NAV3: variants seen among roughly 807,000 people sequenced by gnomAD.
The protein encoded by NAV3 is neuron navigator 3.
In NAV3, 87 loss-of-function variants were observed where a neutral mutation model predicts 244.7. That is an observed-to-expected ratio of 0.36 (90% CI 0.30 to 0.42). The LOEUF (loss-of-function observed/expected upper bound fraction) is 0.42. Ranked by LOEUF, NAV3 falls within the 20% of genes least tolerant of loss-of-function variation. The pLI is 1.00. For missense variants in NAV3, 2,663 were observed against 2,893.3 expected (o/e 0.92, Z 1.83); for synonymous variants, 1,126 against 1,042.2 (o/e 1.08, Z -1.55).
chr12:77,660,915 G>A (rs1727860), intron 2 of NAV3, among the ~76,000 whole-genome samples: 28,630 of 152,004 alleles, frequency 0.19, 3,722 homozygotes, highest in African/African-American at 0.36. Flanking sequence ...TGTTGCATGA[G>A]CCGTAGTTCA....
intron 12 of NAV3, among the ~76,000 whole-genome samples, chr12:78,097,225 T>C (rs1485770024): frequency 6.6e-6 from 1 of 152,156 alleles, no homozygotes. Flanking sequence ...CCAGCACACT[T>C]CCCTTTTCAA....
chr12:77,787,882 A>C (rs1033565105), intron 2 of NAV3, among the ~76,000 whole-genome samples: 6 of 152,214 alleles, frequency 3.9e-5, no homozygotes, highest in African/African-American at 1.4e-4. Context: ...GACTTATGAC[A>C]ATTATTAGGT....
At chr12:77,745,282 T>C (rs923823384) in intron 2 of NAV3, among the ~76,000 whole-genome samples, 1 of 152,044 alleles carries the variant, frequency 6.6e-6, no homozygotes, top group African/African-American at 2.4e-5. Context: ...TCATCTTATA[T>C]AGCAGTTTGG....
intron 12 of NAV3, among the ~76,000 whole-genome samples, chr12:78,065,361 A>C (rs547133471): frequency 7.2e-5 from 11 of 152,284 alleles, no homozygotes; most frequent in African/African-American, 2.4e-4. Flanking sequence ...TAATGAATTA[A>C]ATTTTGTTTA....
chr12:77,936,065 G>A (rs1593047732), intron 1 of NAV3, among the ~76,000 whole-genome samples: 1 of 152,220 alleles, frequency 6.6e-6, no homozygotes, highest in East Asian at 1.9e-4. Context: ...TTACAGATGA[G>A]AATACTGGGG....
chr12:78,195,439 G>A (rs2139959399), intron 34 of NAV3, among the ~76,000 whole-genome samples: 1 of 151,632 alleles, frequency 6.6e-6, no homozygotes, highest in South Asian at 2.1e-4. Context: ...TGGATTAGAT[G>A]CCTCTCTTAT....
At chr12:77,890,651 T>G (rs1248469539) in intron 1 of NAV3, among the ~76,000 whole-genome samples, 2 of 152,194 alleles carry the variant, frequency 1.3e-5, no homozygotes, top group Non-Finnish European at 2.9e-5. Flanking sequence ...CGATTCTTCA[T>G]CGAGTAAATG....
chr12:78,089,190 T>C (rs1953794402), intron 12 of NAV3, among the ~76,000 whole-genome samples: 1 of 152,118 alleles, frequency 6.6e-6, no homozygotes, highest in Non-Finnish European at 1.5e-5. Flanking sequence ...AAAAAGTCAA[T>C]TTATGGAATT....
chr12:77,659,216 A>G (rs1232211497), intron 2 of NAV3, among the ~76,000 whole-genome samples: 1 of 151,648 alleles, frequency 6.6e-6, no homozygotes, highest in Non-Finnish European at 1.5e-5. Flanking sequence ...CTCGTCTGAC[A>G]AAGGGCTAAT....
chr12:77,756,097 G>C (rs1392377970), intron 2 of NAV3, among the ~76,000 whole-genome samples: 4 of 151,996 alleles, frequency 2.6e-5, no homozygotes, highest in Admixed American at 2.6e-4. Flanking sequence ...AAAAAATAAA[G>C]ATAATAAAAG....
chr12:77,572,341 A>C (rs371694203), intron 2 of NAV3: 4 of 153,658 alleles, frequency 2.6e-5, no homozygotes, highest in African/African-American at 9.6e-5. Context: ...AAATGAATGC[A>C]CCTTTTGAGA....
intron 5 of NAV3, among the ~76,000 whole-genome samples, chr12:77,978,473 A>G (rs1227203931): frequency 6.6e-6 from 1 of 152,114 alleles, no homozygotes; most frequent in Non-Finnish European, 1.5e-5. Flanking sequence ...CACTGATTAT[A>G]TATGTAATTA....
At chr12:77,920,681 T>C (rs1887627110) in intron 1 of NAV3, among the ~76,000 whole-genome samples, 1 of 152,088 alleles carries the variant, frequency 6.6e-6, no homozygotes, top group South Asian at 2.1e-4. Flanking sequence ...CTGGTTCATG[T>C]AGGCGAATAT....
At chr12:78,019,504 T>C (rs938605489) in intron 8 of NAV3, among the ~76,000 whole-genome samples, 5 of 152,110 alleles carry the variant, frequency 3.3e-5, no homozygotes, top group Non-Finnish European at 2.9e-5. Context: ...TCTGAAAACA[T>C]AGGTCCAGGG....
intron 2 of NAV3, among the ~76,000 whole-genome samples, chr12:77,616,622 C>G (rs929987805): frequency 6.6e-5 from 10 of 151,954 alleles, no homozygotes; most frequent in Non-Finnish European, 1.0e-4. Context: ...TAAGTTGACT[C>G]AGTAAATATC....
At chr12:77,697,279 A>G (rs558850369) in intron 2 of NAV3, among the ~76,000 whole-genome samples, 51 of 152,050 alleles carry the variant, frequency 3.4e-4, no homozygotes, top group Non-Finnish European at 7.1e-4. Flanking sequence ...TTCTCTCTAC[A>G]ACTATCCTCA....
At chr12:78,074,907 T>C (rs183006763) in intron 12 of NAV3, among the ~76,000 whole-genome samples, 1 of 152,300 alleles carries the variant, frequency 6.6e-6, no homozygotes, top group African/African-American at 2.4e-5. Flanking sequence ...AAATAGTAGA[T>C]AACTGTCTCT....
intron 9 of NAV3, among the ~76,000 whole-genome samples, chr12:78,033,179 T>A (rs1879279180): frequency 6.6e-6 from 1 of 151,976 alleles, no homozygotes; most frequent in African/African-American, 2.4e-5. Context: ...CCAGACTTTG[T>A]ATTAAAAGTG....
intron 1 of NAV3, among the ~76,000 whole-genome samples, chr12:77,900,260 T>C (rs1429776825): frequency 1.3e-5 from 2 of 152,050 alleles, no homozygotes; most frequent in Admixed American, 6.5e-5. Flanking sequence ...GTATTTTTAG[T>C]AGAGACAGGG....
Sources: gnomAD v4.1 joint callset for allele counts (sites outside exome capture counted in the v4.1 genomes callset) on GRCh38, gnomAD v4.1.1 for gene constraint, MANE v1.5 for transcripts, NCBI Gene and HGNC (gene_info 2026-07-23, HGNC 2026-07-21) for gene names.